Variants in CDH12 observed in about 807,000 individuals in gnomAD.
CDH12 encodes cadherin 12, also known as cadherin-12.
Under a neutral mutation model 74.1 loss-of-function variants are expected in CDH12, and 41 were observed. The observed-to-expected ratio is 0.55, with a 90% CI of 0.43 to 0.72. The LOEUF (loss-of-function observed/expected upper bound fraction) is 0.72. CDH12 is among the 30% of genes least tolerant of loss of function. The probability of loss-of-function intolerance (pLI) is 0.00; values close to 1 mark genes in which losing one functional copy is unlikely to be tolerated. For missense variants in CDH12, 945 were observed against 977.2 expected, an observed-to-expected ratio of 0.97 and a Z score of 0.44; for synonymous variants, 399 against 355.0, an observed-to-expected ratio of 1.12 and a Z score of -1.39.
At chr5:22,359,168 C>A (rs571285021) in intron 3 of CDH12, among the ~76,000 whole-genome samples, 1 of 152,222 alleles carries the variant, frequency 6.6e-6, no homozygotes, top group East Asian at 1.9e-4. Context: ...CATCATAGTG[C>A]TGTATTCAGG....
At chr5:21,927,433 A>AT (rs1159984297) in intron 6 of CDH12, among the ~76,000 whole-genome samples, 1 of 151,320 alleles carries the variant, frequency 6.6e-6, no homozygotes, top group Non-Finnish European at 1.5e-5. Flanking sequence ...AAAATAAAAA[A>AT]AAAAATTAGC....
intron 2 of CDH12, among the ~76,000 whole-genome samples, chr5:22,423,634 T>C (rs961229756): frequency 3.3e-5 from 5 of 150,650 alleles, no homozygotes; most frequent in South Asian, 4.2e-4. Flanking sequence ...AAAAGCCAAG[T>C]GAAATATCAT....
At chr5:22,346,661 A>C (rs1740129331) in intron 3 of CDH12, among the ~76,000 whole-genome samples, 1 of 152,148 alleles carries the variant, frequency 6.6e-6, no homozygotes, top group African/African-American at 2.4e-5. Context: ...TTGAACATGA[A>C]ACACGGTACT....
At chr5:21,927,921 A>T (rs2150077954) in intron 6 of CDH12, among the ~76,000 whole-genome samples, 1 of 151,724 alleles carries the variant, frequency 6.6e-6, no homozygotes, top group African/African-American at 2.4e-5. Flanking sequence ...TACAAAAAAA[A>T]ATTAGCTGGG....
At position 22,808,068 on chromosome 5, in the gene CDH12, A is replaced by C. The variant is rs889767294; in HGVS notation, c.-523+44990T>G. Among the ~76,000 whole-genome samples, 3 of 152,238 alleles carry C rather than the reference A, an allele frequency of 2.0e-5. No individual in the cohort carries two copies. In the South Asian group the frequency reaches 6.2e-4, roughly 31 times the overall value. On this transcript the variant is annotated intron_variant, in intron 1 of 14. Transcript: ENST00000382254. ...CTATATGCGGACCTTGTTGACCAAA[A>C]TATTGTTATGCCATGCATGACTGCA...
At chr5:22,591,554 T>C (rs1476555990) in intron 1 of CDH12, among the ~76,000 whole-genome samples, 1 of 152,138 alleles carries the variant, frequency 6.6e-6, no homozygotes, top group Non-Finnish European at 1.5e-5. Context: ...CCTGTTTTTT[T>C]ATCATTTCAT....
At chr5:22,037,847 G>A (rs1739292094) in intron 5 of CDH12, among the ~76,000 whole-genome samples, 1 of 152,126 alleles carries the variant, frequency 6.6e-6, no homozygotes, top group Admixed American at 6.5e-5. Flanking sequence ...ATTCAGTATA[G>A]CCACTAGAGA....
intron 4 of CDH12, among the ~76,000 whole-genome samples, chr5:22,104,406 G>A (rs1011052768): frequency 2.6e-5 from 4 of 151,704 alleles, no homozygotes; most frequent in African/African-American, 7.3e-5. Flanking sequence ...AAGAGATATT[G>A]CTTTATTTTA....
chr5:22,369,742 A>G (rs1204665529), intron 3 of CDH12, among the ~76,000 whole-genome samples: 1 of 152,196 alleles, frequency 6.6e-6, no homozygotes, highest in Non-Finnish European at 1.5e-5. Context: ...TTTGAAGAGT[A>G]AAATTTACAG....
intron 8 of CDH12, among the ~76,000 whole-genome samples, chr5:21,826,548 C>T (rs546960399): frequency 6.6e-6 from 1 of 152,274 alleles, no homozygotes; most frequent in East Asian, 1.9e-4. Flanking sequence ...TGACATTATT[C>T]TCTACCCCTG....
chr5:22,056,880 CCGA>C (rs1379400686), intron 5 of CDH12, among the ~76,000 whole-genome samples: 3 of 152,094 alleles, frequency 2.0e-5, no homozygotes, highest in Non-Finnish European at 4.4e-5. Context: ...CGGAAAAGAG[CCGA>C]CAATTCTTCC....
intron 4 of CDH12, among the ~76,000 whole-genome samples, chr5:22,105,880 TG>T (rs1276955216): frequency 6.6e-6 from 1 of 152,126 alleles, no homozygotes; most frequent in African/African-American, 2.4e-5. Context: ...TGTCTTATTT[TG>T]GGGAGGTACA....
At chr5:21,950,219 G>T (rs1290241778) in intron 6 of CDH12, among the ~76,000 whole-genome samples, 1 of 152,146 alleles carries the variant, frequency 6.6e-6, no homozygotes, top group Non-Finnish European at 1.5e-5. Context: ...CCTAGGGTGT[G>T]TAGTAGGTTA....
intron 11 of CDH12, among the ~76,000 whole-genome samples, chr5:21,773,354 T>C (rs1005378830): frequency 2.0e-5 from 3 of 152,112 alleles, no homozygotes; most frequent in Admixed American, 1.3e-4. Flanking sequence ...TCAATTCAGG[T>C]GGGCCTCCAT....
intron 1 of CDH12, among the ~76,000 whole-genome samples, chr5:22,594,752 G>A (rs544807742): frequency 1.3e-5 from 2 of 152,224 alleles, no homozygotes; most frequent in South Asian, 4.1e-4. Context: ...GGGACGAAAT[G>A]ATTTGTTTAT....
chr5:21,759,670 T>G (rs1007111178), intron 13 of CDH12, among the ~76,000 whole-genome samples: 1 of 152,074 alleles, frequency 6.6e-6, no homozygotes, highest in African/African-American at 2.4e-5. Context: ...TTAAATTTAT[T>G]TATTATTTAT....
intron 4 of CDH12, among the ~76,000 whole-genome samples, chr5:22,101,620 A>T (rs921368961): frequency 6.6e-6 from 1 of 152,218 alleles, no homozygotes; most frequent in South Asian, 2.1e-4. Flanking sequence ...AAGACAAATG[A>T]AGAAAATTAA....
Position 22,044,295 on chromosome 5 carries a change from A to G in CDH12, c.231+34151T>C, listed in dbSNP as rs148560478. ...ATTTTCACACTGCTATAATGATACTACCTAAGACTGGGTAATTTATAAACA... is the reference window on the plus strand; with the variant it reads ...ATTTTCACACTGCTATAATGATACTGCCTAAGACTGGGTAATTTATAAACA... On this transcript the variant is annotated intron_variant, in intron 5 of 14. Coordinates refer to ENST00000382254, the MANE Select transcript of CDH12 (RefSeq NM_004061.5). Among the ~76,000 whole-genome samples the G allele has an allele frequency of 8.3e-3, 1,267 of 152,300 alleles. 25 individuals carry two copies. The highest frequency in any genetic ancestry group is 0.029 in the African/African-American group (1,202 of 41,554).
At chr5:22,426,046 G>A (rs994922144) in intron 2 of CDH12, among the ~76,000 whole-genome samples, 6 of 151,892 alleles carry the variant, frequency 4.0e-5, no homozygotes, top group African/African-American at 1.5e-4. Flanking sequence ...AATTAGCTGG[G>A]TGTGGTGGCG....
Sources: gnomAD v4.1 joint callset for allele counts (sites outside exome capture counted in the v4.1 genomes callset) on GRCh38, gnomAD v4.1.1 for gene constraint, MANE v1.5 for transcripts, NCBI Gene and HGNC (gene_info 2026-07-23, HGNC 2026-07-21) for gene names.